Variants in ADARB2 observed in about 807,000 individuals in gnomAD.
ADARB2 encodes the protein adenosine deaminase RNA specific B2 (inactive), also known as inactive double-stranded RNA-specific editase B2.
In ADARB2, 25 loss-of-function variants were observed where a neutral mutation model predicts 62.2. The observed-to-expected ratio is 0.40, with a 90% CI of 0.29 to 0.56. The LOEUF (loss-of-function observed/expected upper bound fraction) is 0.56. Among genes scored for constraint, ADARB2 ranks in the 20% least tolerant of loss-of-function variants. The pLI is 0.43. For missense variants in ADARB2, 1,071 were observed against 1,077.4 expected, an observed-to-expected ratio of 0.99 and a Z score of 0.08; for synonymous variants, 572 against 500.8, an observed-to-expected ratio of 1.14 and a Z score of -1.90.
chr10:1,354,090 CT>C (rs778204263), intron 3 of ADARB2, among the ~76,000 whole-genome samples: 8 of 152,182 alleles, frequency 5.3e-5, no homozygotes, highest in Non-Finnish European at 5.9e-5. Flanking sequence ...CACGCCACCC[CT>C]AATCCTGCTT....
intron 1 of ADARB2, among the ~76,000 whole-genome samples, chr10:1,515,456 T>C (rs1831996749): frequency 6.6e-6 from 1 of 152,210 alleles, no homozygotes; most frequent in African/African-American, 2.4e-5. Context: ...TTCTGGGTGA[T>C]GAGGGGGACA....
intron 1 of ADARB2, among the ~76,000 whole-genome samples, chr10:1,456,847 C>T (rs751553710): frequency 6.6e-6 from 1 of 152,070 alleles, no homozygotes; most frequent in Admixed American, 6.5e-5. Context: ...GGGGCTGGAG[C>T]GCAATGGCAC....
chr10:1,421,937 G>T (rs1272788204), intron 1 of ADARB2, among the ~76,000 whole-genome samples: 1 of 152,250 alleles, frequency 6.6e-6, no homozygotes. Flanking sequence ...TTCCATCTCA[G>T]GTTATTTGAA....
chr10:1,242,949 T>C (rs1244717613), intron 4 of ADARB2, among the ~76,000 whole-genome samples: 4 of 152,190 alleles, frequency 2.6e-5, no homozygotes, highest in Non-Finnish European at 4.4e-5. Flanking sequence ...AAGTATAATA[T>C]TCATCACTTT....
chr10:1,631,732 C>A (rs923881644), intron 1 of ADARB2, among the ~76,000 whole-genome samples: 9 of 152,030 alleles, frequency 5.9e-5, no homozygotes, highest in Admixed American at 2.6e-4. Context: ...CTCCTGCTGC[C>A]AGATCTAGGA....
intron 1 of ADARB2, among the ~76,000 whole-genome samples, chr10:1,569,190 GAGAGGC>G: frequency 6.6e-6 from 1 of 152,066 alleles, no homozygotes; most frequent in South Asian, 2.1e-4. Flanking sequence ...CAGAGAGAGA[GAGAGGC>G]AGAGACAGAG....
At chr10:1,298,720 ATTTTTTTTTTTTTTTTTTTTTTTTTT>A (rs75978268) in intron 3 of ADARB2, among the ~76,000 whole-genome samples, 80 of 110,776 alleles carry the variant, frequency 7.2e-4, no homozygotes, top group Non-Finnish European at 1.0e-3. Flanking sequence ...TGCGACGGGA[ATTTTTTTTTTTTTTTTTTTTTTTTTT>A]TTTTTTTTTT....
At chr10:1,725,305 G>T (rs1329395374) in intron 1 of ADARB2, among the ~76,000 whole-genome samples, 1 of 152,254 alleles carries the variant, frequency 6.6e-6, no homozygotes, top group Non-Finnish European at 1.5e-5. Flanking sequence ...TCACATGGCT[G>T]TGGCACACAC....
intron 1 of ADARB2, among the ~76,000 whole-genome samples, chr10:1,485,463 G>C (rs1327741278): frequency 6.6e-6 from 1 of 152,054 alleles, no homozygotes; most frequent in African/African-American, 2.4e-5. Flanking sequence ...GCATGTGGGG[G>C]GATATGTAGG....
chr10:1,230,387 G>A (rs563880585), intron 6 of ADARB2, among the ~76,000 whole-genome samples: 1 of 152,174 alleles, frequency 6.6e-6, no homozygotes, highest in Non-Finnish European at 1.5e-5. Context: ...TTTCCTTTGG[G>A]GGCTTGTCAC....
intron 8 of ADARB2, among the ~76,000 whole-genome samples, chr10:1,187,081 C>A (rs916729493): frequency 3.9e-5 from 6 of 152,240 alleles, no homozygotes; most frequent in African/African-American, 1.4e-4. Context: ...ACCTGGTGAG[C>A]TTCTGCTGGC....
At chr10:1,641,321 T>C (rs1270601519) in intron 1 of ADARB2, among the ~76,000 whole-genome samples, 4 of 152,256 alleles carry the variant, frequency 2.6e-5, no homozygotes, top group African/African-American at 9.6e-5. Context: ...GTGTTTCCAC[T>C]TTGACCTGCC....
At chr10:1,339,639 C>T (rs1339916208) in intron 3 of ADARB2, among the ~76,000 whole-genome samples, 2 of 152,166 alleles carry the variant, frequency 1.3e-5, no homozygotes, top group African/African-American at 4.8e-5. Context: ...GTCAATACTC[C>T]CATTAGAAAA....
At chr10:1,357,287 C>T (rs549898109) in intron 3 of ADARB2, among the ~76,000 whole-genome samples, 7 of 152,138 alleles carry the variant, frequency 4.6e-5, no homozygotes, top group Admixed American at 2.0e-4. Flanking sequence ...ACCCAAAAAT[C>T]GTTAGTGTCC....
intron 1 of ADARB2, among the ~76,000 whole-genome samples, chr10:1,665,806 C>T (rs766785959): frequency 1.1e-4 from 16 of 152,208 alleles, no homozygotes; most frequent in Non-Finnish European, 1.6e-4. Context: ...CCAGAGAAGG[C>T]CTCAGGCCAG....
At chr10:1,664,640 G>A (rs1316606532) in intron 1 of ADARB2, among the ~76,000 whole-genome samples, 2 of 152,196 alleles carry the variant, frequency 1.3e-5, no homozygotes, top group African/African-American at 4.8e-5. Context: ...CATCATCTCG[G>A]TCGTCTGGTA....
chr10:1,373,261 C>T (rs12766540), intron 2 of ADARB2, among the ~76,000 whole-genome samples: 18,856 of 151,960 alleles, frequency 0.12, 1,186 homozygotes, highest in South Asian at 0.21. Flanking sequence ...GTGTCTCTCT[C>T]GGTCTTTGTC....
chr10:1,433,702 C>CTG (rs1830802183), intron 1 of ADARB2, among the ~76,000 whole-genome samples: 1 of 152,136 alleles, frequency 6.6e-6, no homozygotes, highest in Non-Finnish European at 1.5e-5. Flanking sequence ...GCTGCCCTGC[C>CTG]CCACTGACAG....
chr10:1,701,988 A>C (rs1021870069), intron 1 of ADARB2, among the ~76,000 whole-genome samples: 1 of 152,268 alleles, frequency 6.6e-6, no homozygotes, highest in Non-Finnish European at 1.5e-5. Flanking sequence ...GAAATGAAGA[A>C]AGACTGTGAA....
Sources: allele counts gnomAD v4.1 joint callset (sites outside exome capture counted in the v4.1 genomes callset), GRCh38; gene constraint gnomAD v4.1.1; transcripts MANE v1.5; gene names NCBI Gene and HGNC (gene_info 2026-07-23, HGNC 2026-07-21).